Variants in CARS1 observed in about 807,000 individuals in gnomAD.
The protein encoded by CARS1 is cysteine--tRNA ligase, cytoplasmic.
CARS1 carries 48 observed loss-of-function variants against 106.2 expected under a neutral mutation model. The ratio of observed to expected loss-of-function variants is 0.45; its 90% CI spans 0.36 to 0.57. The LOEUF (loss-of-function observed/expected upper bound fraction) is 0.57, where lower values mean the gene tolerates loss of function less well. Among genes scored for constraint, CARS1 ranks in the 20% least tolerant of loss-of-function variants. CARS1 has a pLI of 0.00. For synonymous variants in CARS1, 409 were observed against 403.4 expected (o/e 1.01, Z -0.17); for missense variants, 968 against 1,057.2 (o/e 0.92, Z 1.17).
intron 21 of CARS1, 58 bp from the exon 22 acceptor site, chr11:3,002,111 T>C: frequency 2.6e-6 from 3 of 1,138,912 alleles, no homozygotes; most frequent in South Asian, 2.5e-5. Flanking sequence ...GGCTCCGCAC[T>C]GTGAACGACA....
Position 3,050,563 on chromosome 11 carries a change from G to A in CARS1, c.26-2562C>T, listed in dbSNP as rs1023016081. Among the ~76,000 whole-genome samples the A allele has an allele frequency of 6.6e-6, 1 of 152,206 alleles. No individual in the cohort carries two copies. The highest frequency in any genetic ancestry group is 1.5e-5 in the Non-Finnish European group (1 of 68,042). ...GCATGGCTCTCCCCTCACAGCCACA[G>A]GCCTCCAGCGGCCCTGCTGAAAAGC... On this transcript the variant is annotated intron_variant, in intron 1 of 22. Transcript: ENST00000380525. This position sits in a 1 kb window ranked among gnomAD's most constrained non-coding sequence, Gnocchi z 6.3.
intron 1 of CARS1, among the ~76,000 whole-genome samples, chr11:3,054,498 A>T (rs1855999324): frequency 6.6e-6 from 1 of 152,226 alleles, no homozygotes; most frequent in Non-Finnish European, 1.5e-5. Flanking sequence ...GAAAACATCG[A>T]AGGGCATCAG....
Position 3,046,153 on chromosome 11 carries a change from G to C in CARS1, c.274+1600C>G, listed in dbSNP as rs935934588. ...GTCCATTCTGTTACACAGCAACGTG[G>C]CTCTGCTTCCTCTCTGTAGGTTAAA... On this transcript the variant is annotated intron_variant, in intron 2 of 22. Transcript: ENST00000380525. This position sits in a 1 kb window ranked among gnomAD's most constrained non-coding sequence, Gnocchi z 5.8. 2.6e-5 allele frequency among the ~76,000 whole-genome samples: 4 copies of C among 152,200 alleles called. No homozygotes were observed. The highest frequency in any genetic ancestry group is 7.2e-5 in the African/African-American group (3 of 41,446).
At position 3,020,509 on chromosome 11, in the gene CARS1, C is replaced by T. The variant is rs896714943; in HGVS notation, c.1154-177G>A. Among the ~76,000 whole-genome samples the T allele has an allele frequency of 6.6e-6, 1 of 152,166 alleles. No individual in the cohort carries two copies. The highest frequency in any genetic ancestry group is 2.4e-5 in the African/African-American group (1 of 41,434). On this transcript the variant is annotated intron_variant, in intron 10 of 22. Transcript: ENST00000380525. The surrounding 1 kb of genome is among the most constrained non-coding windows in gnomAD (Gnocchi z 4.6). Reference sequence around the variant, plus strand: ...TGTATTACCAGATTCTGGTGTTGACCCAGTGTCTAGATTTACAAAACGGTA... The same window carrying T: ...TGTATTACCAGATTCTGGTGTTGACTCAGTGTCTAGATTTACAAAACGGTA...
In CARS1 at chr11:3,005,449, C is replaced by A; in HGVS notation, c.2150-16G>T. On this transcript the variant is annotated splice_polypyrimidine_tract_variant and intron_variant, in intron 19 of 22. Coordinates refer to ENST00000380525, the MANE Select transcript of CARS1 (RefSeq NM_001014437.3). ...GTGGGCAGTCCTGCAAAATAAACTG[C>A]GTGTGAGAAGAGTCTGGGCTCTGTG... 3 of 1,609,180 alleles carry A rather than the reference C, an allele frequency of 1.9e-6. No homozygotes were observed. Among genetic ancestry groups the A allele is most frequent in the Non-Finnish European group, 1.7e-6 (2 of 1,175,696 alleles).
intron 18 of CARS1, among the ~76,000 whole-genome samples, chr11:3,010,838 G>A (rs905870280): frequency 1.3e-5 from 2 of 152,206 alleles, no homozygotes; most frequent in African/African-American, 4.8e-5. Flanking sequence ...TTCTCCTAGA[G>A]GCTTGCTGGG....
Position 3,017,060 on chromosome 11 carries a change from G to C in CARS1, c.1917+46C>G. 1 of 1,548,116 alleles carries C rather than the reference G, an allele frequency of 6.5e-7. No individual in the cohort carries two copies. The highest frequency in any genetic ancestry group is 8.8e-7 in the Non-Finnish European group (1 of 1,133,126). On this transcript the variant is annotated intron_variant, in intron 16 of 22. Transcript: ENST00000380525. The surrounding 1 kb of genome is among the most constrained non-coding windows in gnomAD (Gnocchi z 4.9). ...CTCCCAGTCCTGGGGCCTGGCTCCT[G>C]TGTCCACACAGGCTGAGGGATACGC...
chr11:3,054,788 T>C (rs7934892), intron 1 of CARS1: 631,507 of 685,752 alleles, frequency 0.92, 290,993 homozygotes, highest in African/African-American at 0.96. Context: ...GAGCAGTGCC[T>C]GGCACAGACT....
Position 3,026,789 on chromosome 11 carries a change from G to C in CARS1, c.1040C>G (p.Ser347Cys). ...KIVDNGYGYV[S>C]NGSVYFDTAK... is the part of the protein sequence containing the mutation. ...TGTATCAAAGTAGACAGACCCATTG[G>C]AGACATAGCTGGAAAACAGAAAAGG... The change falls in exon 10 of 23, where the codon TCC (serine) becomes TGC (cysteine). Residue 347 changes from serine to cysteine, a missense_variant. Transcript: ENST00000380525. 1.2e-6 allele frequency: 2 copies of C among 1,611,088 alleles called. No homozygotes were observed. The highest frequency in any genetic ancestry group is 2.7e-5 in the African/African-American group (2 of 75,024).
chr11:3,043,510 C>T lies in CARS1; in HGVS notation c.275-1254G>A, dbSNP rs149485353. Among the ~76,000 whole-genome samples, 337 of 151,568 alleles carry T rather than the reference C, an allele frequency of 2.2e-3. 2 individuals carry two copies. Among genetic ancestry groups the T allele is most frequent in the African/African-American group, 7.8e-3 (320 of 41,286 alleles). ...TGGCCCTGGGAAGGGCTTCACATGTCTCTGCTGAGTGGCACCAGGAAGGCC... is the reference window on the plus strand; with the variant it reads ...TGGCCCTGGGAAGGGCTTCACATGTTTCTGCTGAGTGGCACCAGGAAGGCC... On this transcript the variant is annotated intron_variant, in intron 2 of 22. Transcript: ENST00000380525. The surrounding 1 kb of genome is among the most constrained non-coding windows in gnomAD (Gnocchi z 4.0).
At position 3,000,992 on chromosome 11, in the gene CARS1, C is replaced by T; in HGVS notation, c.*122G>A. 1.8e-6 allele frequency: 2 copies of T among 1,141,318 alleles called. No individual in the cohort carries two copies. Among genetic ancestry groups the T allele is most frequent in the Admixed American group, 2.1e-5 (1 of 48,264 alleles). The allele number at this position is 1,141,318 out of a possible 1,614,324, so 70.7% of individuals were successfully genotyped here. On this transcript the variant is annotated 3_prime_UTR_variant, in exon 23 of 23. Coordinates refer to ENST00000380525, the MANE Select transcript of CARS1 (RefSeq NM_001014437.3). The surrounding 1 kb of genome is among the most constrained non-coding windows in gnomAD (Gnocchi z 7.1). ...CAACGACGACACGAACCTACATGAACACAACTCTTAATTTAGGACCCAAGG... is the reference window on the plus strand; with the variant it reads ...CAACGACGACACGAACCTACATGAATACAACTCTTAATTTAGGACCCAAGG...
intron 1 of CARS1, among the ~76,000 whole-genome samples, 199 bp downstream of exon 1, chr11:3,057,144 G>A (rs1856294086): frequency 7.1e-6 from 1 of 141,432 alleles, no homozygotes; most frequent in Non-Finnish European, 1.5e-5. Context: ...ACCCAAGGAC[G>A]TGCCGTCCCT....
In CARS1 at chr11:3,038,891, A is replaced by G. The variant is rs528272094; in HGVS notation, c.651+303T>C. Among the ~76,000 whole-genome samples, 3 of 152,310 alleles carry G rather than the reference A, an allele frequency of 2.0e-5. No individual in the cohort carries two copies. Among genetic ancestry groups the G allele is most frequent in the Admixed American group, 1.3e-4 (2 of 15,302 alleles). On this transcript the variant is annotated intron_variant, in intron 6 of 22. Transcript: ENST00000380525. This position sits in a 1 kb window ranked among gnomAD's most constrained non-coding sequence, Gnocchi z 4.0. Reference sequence around the variant, plus strand: ...CCTTGGCATTGAAAATTAGACAGCAATATTGGTAAGCATTTTTATAAGTGT... The same window carrying G: ...CCTTGGCATTGAAAATTAGACAGCAGTATTGGTAAGCATTTTTATAAGTGT...
Position 3,041,093 on chromosome 11 carries a change from A to C in CARS1, c.367-109T>G. On this transcript the variant is annotated intron_variant, in intron 3 of 22. Transcript: ENST00000380525. This position sits in a 1 kb window ranked among gnomAD's most constrained non-coding sequence, Gnocchi z 4.9. ...AGTGTGGTTTGTGTTTAGTGTAAAC[A>C]ATTCAACAGAGACCATTTTGTTTTA... 1.9e-6 allele frequency: 3 copies of C among 1,554,190 alleles called. No homozygotes were observed. The highest frequency in any genetic ancestry group is 2.6e-6 in the Non-Finnish European group (3 of 1,138,566).
intron 1 of CARS1, among the ~76,000 whole-genome samples, chr11:3,055,876 T>C (rs1052895427): frequency 6.6e-6 from 1 of 152,214 alleles, no homozygotes; most frequent in African/African-American, 2.4e-5. Flanking sequence ...TGCTCCAAGG[T>C]AGGAGCCATT....
intron 10 of CARS1, among the ~76,000 whole-genome samples, chr11:3,024,301 G>A (rs997745731): frequency 6.6e-6 from 1 of 152,178 alleles, no homozygotes; most frequent in African/African-American, 2.4e-5. Flanking sequence ...CACCTTTGCT[G>A]CTGTTCTGCT....
At chr11:3,031,618 C>T (rs919032238) in intron 7 of CARS1, 1 of 152,238 alleles carries the variant, frequency 6.6e-6, no homozygotes, top group Non-Finnish European at 1.5e-5. Context: ...CTTCTTAGAT[C>T]CATAAGAGAA....
chr11:3,016,130 C>A (rs1009886674), intron 16 of CARS1, among the ~76,000 whole-genome samples: 22 of 152,212 alleles, frequency 1.4e-4, no homozygotes, highest in African/African-American at 4.3e-4. Context: ...GGAGTTGAGT[C>A]CAGGCCCTGC....
chr11:3,056,441 C>A (rs1320507821), intron 1 of CARS1, among the ~76,000 whole-genome samples: 1 of 152,210 alleles, frequency 6.6e-6, no homozygotes, highest in East Asian at 1.9e-4. Context: ...GAGAGAAGAA[C>A]CCACTGGTCT....
Sources: gnomAD v4.1 joint callset for allele counts (sites outside exome capture counted in the v4.1 genomes callset) on GRCh38, gnomAD v4.1.1 for gene constraint, Gnocchi (gnomAD v3.1) non-coding constraint, MANE v1.5 for transcripts, NCBI Gene and HGNC (gene_info 2026-07-23, HGNC 2026-07-21) for gene names.